CACNA1D: variants seen among roughly 807,000 people sequenced by gnomAD.
The protein encoded by CACNA1D is voltage-dependent L-type calcium channel subunit alpha-1D.
A neutral mutation model predicts 257.1 loss-of-function variants in CACNA1D; 55 were observed. The observed-to-expected ratio is 0.21, with a 90% CI of 0.17 to 0.27. The LOEUF (loss-of-function observed/expected upper bound fraction) is 0.27, where lower values mean the gene tolerates loss of function less well. CACNA1D is among the 10% of genes least tolerant of loss of function. The pLI is 1.00. For missense variants in CACNA1D, 1,876 were observed against 2,784.0 expected (o/e 0.67, Z 7.34); for synonymous variants, 980 against 1,014.9 (o/e 0.97, Z 0.65).
At chr3:53,648,751 G>T (rs1164969437) in intron 3 of CACNA1D, among the ~76,000 whole-genome samples, 1 of 151,570 alleles carries the variant, frequency 6.6e-6, no homozygotes, top group Non-Finnish European at 1.5e-5. Context: ...GTCTAGAGGG[G>T]GCATGAGTAT....
At chr3:53,614,119 C>T (rs1396043757) in intron 3 of CACNA1D, among the ~76,000 whole-genome samples, 1 of 114,462 alleles carries the variant, frequency 8.7e-6, no homozygotes, top group Non-Finnish European at 1.7e-5. Context: ...TAGTGAAGCC[C>T]CCAACTCAAA....
At chr3:53,623,232 A>T (rs2093718836) in intron 3 of CACNA1D, among the ~76,000 whole-genome samples, 1 of 152,242 alleles carries the variant, frequency 6.6e-6, no homozygotes, top group Non-Finnish European at 1.5e-5. Flanking sequence ...AAAACTCACT[A>T]AATGCCACAT....
Position 53,776,740 on chromosome 3 carries a change from A to G in CACNA1D, c.4490+10A>G, listed in dbSNP as rs2095399775. 1.2e-6 allele frequency: 2 copies of G among 1,614,222 alleles called. No individual in the cohort carries two copies. Among genetic ancestry groups the G allele is most frequent in the Admixed American group, 1.7e-5 (1 of 60,024 alleles). ...ATGACCCTGAGGCAAAGTAGGTTGA[A>G]AAATATTTGATTTGGCGTGTGTGGG... is the stretch of plus-strand genomic sequence containing the variant. On this transcript the variant is annotated intron_variant, in intron 36 of 47. Coordinates refer to ENST00000350061, the MANE Select transcript of CACNA1D (RefSeq NM_001128840.3).
chr3:53,746,294 C>T (rs981166347), intron 25 of CACNA1D, among the ~76,000 whole-genome samples: 1 of 152,136 alleles, frequency 6.6e-6, no homozygotes, highest in African/African-American at 2.4e-5. Flanking sequence ...AACTCAACTC[C>T]CTGGTGTTTG....
chr3:53,709,659 T>TA (rs1189167525), intron 9 of CACNA1D, among the ~76,000 whole-genome samples: 1 of 152,194 alleles, frequency 6.6e-6, no homozygotes, highest in Non-Finnish European at 1.5e-5. Flanking sequence ...CTCTAAAGAC[T>TA]AGCTGGCTTA....
At chr3:53,571,242 TG>T (rs10714543) in intron 3 of CACNA1D, among the ~76,000 whole-genome samples, 3,112 of 152,316 alleles carry the variant, frequency 0.02, 95 homozygotes, top group African/African-American at 0.06. Flanking sequence ...GGGCAAGCTT[TG>T]GCTGTGGATT....
At chr3:53,682,568 AG>A (rs1383791239) in intron 8 of CACNA1D, among the ~76,000 whole-genome samples, 1 of 147,624 alleles carries the variant, frequency 6.8e-6, no homozygotes, top group African/African-American at 2.5e-5. Flanking sequence ...AAAAAAAAAA[AG>A]AAGAAGAAGA....
In CACNA1D at chr3:53,590,623, C is replaced by G. The variant is rs553331836; in HGVS notation, c.484-60156C>G. Among the ~76,000 whole-genome samples, 17 of 152,326 alleles carry G rather than the reference C, an allele frequency of 1.1e-4. No homozygotes were observed. In the East Asian group the frequency reaches 2.7e-3, roughly 24 times the overall value. On this transcript the variant is annotated intron_variant, in intron 3 of 47. Transcript: ENST00000350061. ...CAAAACAACTGTGGTCATCACAGTT[C>G]TAATTCCTGTTGGTTGGTTGGAGAG...
chr3:53,506,006 G>A (rs2090830747), intron 3 of CACNA1D, among the ~76,000 whole-genome samples: 1 of 152,132 alleles, frequency 6.6e-6, no homozygotes, highest in Non-Finnish European at 1.5e-5. Context: ...CACGTAGTTC[G>A]GCATCTCATG....
At chr3:53,764,866 G>C (rs1559647126) in intron 30 of CACNA1D, among the ~76,000 whole-genome samples, 1 of 152,180 alleles carries the variant, frequency 6.6e-6, no homozygotes, top group African/African-American at 2.4e-5. Flanking sequence ...AAATCACCTA[G>C]GCAGACACTC....
intron 14 of CACNA1D, among the ~76,000 whole-genome samples, chr3:53,726,574 T>C (rs1177602068): frequency 6.6e-6 from 1 of 151,954 alleles, no homozygotes; most frequent in Non-Finnish European, 1.5e-5. Context: ...GAGGTGGAGG[T>C]TGCAGTGAGC....
chr3:53,735,873 G>A (rs2095052390), intron 20 of CACNA1D, among the ~76,000 whole-genome samples: 1 of 152,214 alleles, frequency 6.6e-6, no homozygotes, highest in South Asian at 2.1e-4. Flanking sequence ...GCACACAGCA[G>A]GGAGGAAGCA....
chr3:53,666,645 A>G, intron 7 of CACNA1D, 110 bp downstream of exon 7: 1 of 893,634 alleles, frequency 1.1e-6, no homozygotes, highest in Non-Finnish European at 1.9e-6. Context: ...GAAGTCAGTT[A>G]TTTGGGAAGG....
intron 3 of CACNA1D, among the ~76,000 whole-genome samples, chr3:53,569,378 G>C (rs2092904345): frequency 6.6e-6 from 1 of 152,198 alleles, no homozygotes; most frequent in Non-Finnish European, 1.5e-5. Context: ...TGTTGGCCAG[G>C]GGTTGTCATC....
chr3:53,758,784 T>C (rs1052357208), intron 29 of CACNA1D, among the ~76,000 whole-genome samples: 2 of 152,120 alleles, frequency 1.3e-5, no homozygotes, highest in African/African-American at 2.4e-5. Context: ...CAGAATTCAG[T>C]TGTAGGAGAA....
chr3:53,782,262 GTGTATATATATATATATA>G (rs2095429680), intron 39 of CACNA1D: 1 of 41,994 alleles, frequency 2.4e-5, no homozygotes, highest in African/African-American at 7.0e-5. Context: ...GTGTGTGTGT[GTGTATATATATATATATA>G]TATATATATA....
Position 53,811,053 on chromosome 3 carries a change from C to T in CACNA1D, c.6193-60C>T. On this transcript the variant is annotated intron_variant, in intron 47 of 47. Transcript: ENST00000350061. The surrounding 1 kb of genome is among the most constrained non-coding windows in gnomAD (Gnocchi z 4.2). ...GCACTGGAGTTGATTTTTCTGTCGT[C>T]CCCCTGCCCTGCAAAGCCTTATAAC... is the stretch of plus-strand genomic sequence containing the variant. 1 of 1,354,614 alleles carries T rather than the reference C, an allele frequency of 7.4e-7. No individual in the cohort carries two copies. The highest frequency in any genetic ancestry group is 1.2e-5 in the South Asian group (1 of 85,596). 83.9% of individuals were successfully genotyped at this position (1,354,614 alleles called of 1,614,324 possible). A position where few individuals can be genotyped will look rare whatever the true frequency, so the allele number is the denominator to read the frequency against.
At position 53,774,648 on chromosome 3, in the gene CACNA1D, C is replaced by T. The variant is rs2095386681; in HGVS notation, c.4172C>T (p.Thr1391Met). 1 of 1,612,752 alleles carries T rather than the reference C, an allele frequency of 6.2e-7. No individual in the cohort carries two copies. Among genetic ancestry groups the T allele is most frequent in the Non-Finnish European group, 8.5e-7 (1 of 1,178,782 alleles). The change falls in exon 34 of 48, where the codon ACG (threonine) becomes ATG (methionine). Residue 1391 changes from threonine (T) to methionine (M), a missense_variant. Transcript: ENST00000350061. The surrounding 1 kb of genome is among the most constrained non-coding windows in gnomAD (Gnocchi z 4.3). ...ATCAATAGGAACAATAACTTCCAGA[C>T]GTTTCCCCAGGCGGTGCTGCTGCTC... ...NQINRNNNFQ[T>M]FPQAVLLLFR...
chr3:53,704,580 A>G (rs1442080438), intron 9 of CACNA1D, among the ~76,000 whole-genome samples: 2 of 152,212 alleles, frequency 1.3e-5, no homozygotes, highest in Non-Finnish European at 2.9e-5. Flanking sequence ...AGTTGAGCCA[A>G]CGTGAACCCC....
Sources: gnomAD v4.1 joint callset for allele counts (sites outside exome capture counted in the v4.1 genomes callset) on GRCh38, gnomAD v4.1.1 for gene constraint, Gnocchi (gnomAD v3.1) non-coding constraint, MANE v1.5 for transcripts, NCBI Gene and HGNC (gene_info 2026-07-23, HGNC 2026-07-21) for gene names.